RPS6KC1: variants seen among roughly 807,000 people sequenced by gnomAD.
RPS6KC1 encodes the protein inactive ribosomal protein S6 kinase delta-1.
RPS6KC1 carries 54 observed loss-of-function variants against 103.8 expected under a neutral mutation model. The ratio of observed to expected loss-of-function variants is 0.52; its 90% confidence interval spans 0.42 to 0.65. RPS6KC1 has a LOEUF of 0.65. Ranked by LOEUF, RPS6KC1 falls within the 30% of genes least tolerant of loss-of-function variation. The pLI, the probability that RPS6KC1 is intolerant of heterozygous loss-of-function variation, is 0.00. For missense variants in RPS6KC1, 1,151 were observed against 1,253.8 expected (o/e 0.92, Z 1.24); for synonymous variants, 439 against 438.7 (o/e 1.00, Z -0.01).
chr1:213,595,831 TAAC>T, the RPS6KC1 span, among the ~76,000 whole-genome samples: 1 of 152,224 alleles, frequency 6.6e-6, no homozygotes, highest in African/African-American at 2.4e-5. Flanking sequence ...GGTTTTAACT[TAAC>T]AATGTCTGAA....
the RPS6KC1 span, among the ~76,000 whole-genome samples, chr1:213,430,973 C>T: frequency 2.6e-3 from 392 of 150,752 alleles, 1 homozygote; most frequent in Non-Finnish European, 3.4e-3. Context: ...TCGCGCTTGC[C>T]GTTGTTTCAG....
chr1:213,311,394 T>G, the RPS6KC1 span, among the ~76,000 whole-genome samples: 1 of 152,158 alleles, frequency 6.6e-6, no homozygotes, highest in Non-Finnish European at 1.5e-5. Context: ...CACCTCGGCC[T>G]CCCAAAATGC....
At chr1:213,176,675 C>G (rs1346328823) in intron 8 of RPS6KC1, 183 bp downstream of exon 8, 1 of 411,562 alleles carries the variant, frequency 2.4e-6, no homozygotes, top group East Asian at 3.4e-5. Flanking sequence ...CATGTAAGGT[C>G]ATGCAAAATA....
chr1:213,785,548 TTTTAA>T, the RPS6KC1 span, among the ~76,000 whole-genome samples: 22,354 of 152,050 alleles, frequency 0.15, 2,127 homozygotes, highest in South Asian at 0.25. Context: ...CCATGCCAAC[TTTTAA>T]TGAGTGTTAG....
chr1:213,505,179 ACT>A, the RPS6KC1 span, among the ~76,000 whole-genome samples: 2 of 151,876 alleles, frequency 1.3e-5, no homozygotes, highest in Non-Finnish European at 2.9e-5. Context: ...AATGCACCTC[ACT>A]CTCTCCAATT....
At chr1:213,374,959 TACAACG>T in the RPS6KC1 span, among the ~76,000 whole-genome samples, 1 of 152,028 alleles carries the variant, frequency 6.6e-6, no homozygotes, top group African/African-American at 2.4e-5. Flanking sequence ...TATTTACTAC[TACAACG>T]ACAACAACTA....
the RPS6KC1 span, among the ~76,000 whole-genome samples, chr1:213,602,114 T>TCTCTCTC: frequency 7.9e-5 from 3 of 38,004 alleles, no homozygotes; most frequent in African/African-American, 3.5e-4. Context: ...CTTTCTTTCT[T>TCTCTCTC]TCTTTCTCTT....
At chr1:213,584,964 A>T in the RPS6KC1 span, among the ~76,000 whole-genome samples, 1 of 152,176 alleles carries the variant, frequency 6.6e-6, no homozygotes, top group Non-Finnish European at 1.5e-5. Flanking sequence ...TTTTACTCAT[A>T]GTTTTCTTAG....
At chr1:213,719,069 C>T in the RPS6KC1 span, among the ~76,000 whole-genome samples, 50 of 152,158 alleles carry the variant, frequency 3.3e-4, no homozygotes, top group Admixed American at 3.3e-3. Context: ...AGGCCTGTGC[C>T]ATGGGCCATT....
chr1:213,161,106 C>T (rs1429144882), intron 6 of RPS6KC1, among the ~76,000 whole-genome samples: 1 of 152,058 alleles, frequency 6.6e-6, no homozygotes, highest in Non-Finnish European at 1.5e-5. Flanking sequence ...GCTGAGATGA[C>T]TATAAACATT....
At chr1:213,071,782 G>A (rs2078904314) in intron 2 of RPS6KC1, among the ~76,000 whole-genome samples, 1 of 151,660 alleles carries the variant, frequency 6.6e-6, no homozygotes, top group Admixed American at 6.6e-5. Context: ...TGACATCTTG[G>A]AAAACTGCTT....
the RPS6KC1 span, among the ~76,000 whole-genome samples, chr1:213,499,346 G>A: frequency 1.3e-5 from 2 of 152,168 alleles, no homozygotes; most frequent in African/African-American, 4.8e-5. Context: ...TGAACACCAT[G>A]GAGCCCCGGC....
At chr1:213,418,091 G>A in the RPS6KC1 span, among the ~76,000 whole-genome samples, 3 of 152,188 alleles carry the variant, frequency 2.0e-5, 1 homozygote, top group Admixed American at 6.5e-5. Flanking sequence ...TACTCTTGGA[G>A]CACGAGGGTG....
chr1:213,143,696 T>C (rs1350308386), intron 6 of RPS6KC1, among the ~76,000 whole-genome samples: 4 of 152,082 alleles, frequency 2.6e-5, no homozygotes, highest in African/African-American at 9.6e-5. Context: ...TTATTAGTTT[T>C]CTATTGGTGC....
chr1:213,093,242 G>A lies in RPS6KC1; in HGVS notation c.263-11212G>A, dbSNP rs1490951810. Among the ~76,000 whole-genome samples the A allele has an allele frequency of 2.7e-5, 4 of 148,560 alleles. 1 individual carries two copies. The highest frequency in any genetic ancestry group is 7.5e-5 in the African/African-American group (3 of 40,184). On this transcript the variant is annotated intron_variant, in intron 3 of 14. Coordinates refer to ENST00000366960, the MANE Select transcript of RPS6KC1 (RefSeq NM_012424.6). ...TTTTTTTTTAATGAGGCGGAGTCTC[G>A]CTCTGTCACCCAGGCTGGAGTGCAG...
At chr1:213,726,512 A>AG in the RPS6KC1 span, among the ~76,000 whole-genome samples, 1 of 152,228 alleles carries the variant, frequency 6.6e-6, no homozygotes. Context: ...CTTTCAGAAG[A>AG]CAAACATGTC....
At chr1:213,849,097 G>C in the RPS6KC1 span, among the ~76,000 whole-genome samples, 1 of 152,206 alleles carries the variant, frequency 6.6e-6, no homozygotes, top group Non-Finnish European at 1.5e-5. Flanking sequence ...TGAGGAATCT[G>C]TCATCAACTC....
chr1:213,665,401 C>T, the RPS6KC1 span, among the ~76,000 whole-genome samples: 105 of 151,678 alleles, frequency 6.9e-4, 2 homozygotes, highest in East Asian at 5.8e-4. Flanking sequence ...TAAACACACA[C>T]GAACACAAAT....
intron 10 of RPS6KC1, among the ~76,000 whole-genome samples, chr1:213,240,182 A>G (rs2094318686): frequency 6.6e-6 from 1 of 152,174 alleles, no homozygotes; most frequent in African/African-American, 2.4e-5. Context: ...TAAAGGCATA[A>G]TTATATACCA....
Sources: gnomAD v4.1 joint callset for allele counts (sites outside exome capture counted in the v4.1 genomes callset) on GRCh38, gnomAD v4.1.1 for gene constraint, MANE v1.5 for transcripts, NCBI Gene and HGNC (gene_info 2026-07-23, HGNC 2026-07-21) for gene names.